IQCM: variants seen among roughly 807,000 people sequenced by gnomAD.
IQCM encodes the protein IQ motif containing M, also known as IQ domain-containing protein M.
A neutral mutation model predicts 57.6 loss-of-function variants in IQCM; 45 were observed. That is an observed-to-expected ratio of 0.78 (90% confidence interval 0.62 to 1.00). The LOEUF (loss-of-function observed/expected upper bound fraction) is 1.00. Ranked by LOEUF, IQCM falls within the 50% of genes least tolerant of loss-of-function variation. IQCM has a pLI of 0.00. For synonymous variants in IQCM, 148 were observed against 158.9 expected (o/e 0.93, Z 0.51); for missense variants, 468 against 511.6 (o/e 0.91, Z 0.82).
intron 7 of IQCM, among the ~76,000 whole-genome samples, chr4:149,659,110 T>C (rs1323567179): frequency 6.6e-6 from 1 of 152,068 alleles, no homozygotes; most frequent in African/African-American, 2.4e-5. Context: ...AGTCTATCAA[T>C]TTTGTTGACG....
intron 2 of IQCM, among the ~76,000 whole-genome samples, chr4:149,773,044 G>C (rs1770734210): frequency 6.6e-6 from 1 of 152,164 alleles, no homozygotes; most frequent in African/African-American, 2.4e-5. Flanking sequence ...CTAATGGTCA[G>C]AGCTAACCAC....
At chr4:149,662,847 A>T (rs2150157828) in intron 7 of IQCM, among the ~76,000 whole-genome samples, 1 of 151,986 alleles carries the variant, frequency 6.6e-6, no homozygotes, top group African/African-American at 2.4e-5. Flanking sequence ...TCTTGTTTTT[A>T]TGTCCATTCA....
chr4:149,760,902 A>G (rs1449054260), intron 2 of IQCM, among the ~76,000 whole-genome samples: 1 of 152,090 alleles, frequency 6.6e-6, no homozygotes, highest in Non-Finnish European at 1.5e-5. Flanking sequence ...CAGGACTCCC[A>G]TATTATGCCC....
chr4:149,412,649 A>G (rs2111180897), intron 13 of IQCM, among the ~76,000 whole-genome samples: 1 of 152,306 alleles, frequency 6.6e-6, no homozygotes, highest in Middle Eastern at 3.4e-3. Context: ...TCAGTATAGG[A>G]CTCAAAAGAC....
chr4:149,412,564 C>G (rs527706755), intron 13 of IQCM, among the ~76,000 whole-genome samples: 1 of 152,206 alleles, frequency 6.6e-6, no homozygotes, highest in South Asian at 2.1e-4. Flanking sequence ...TTACTGAGCA[C>G]TTGTGATGTA....
At chr4:149,800,645 T>C (rs552099977) in intron 2 of IQCM, among the ~76,000 whole-genome samples, 2 of 151,998 alleles carry the variant, frequency 1.3e-5, no homozygotes, top group Admixed American at 6.6e-5. Flanking sequence ...TTTCAGTAAA[T>C]TTGCAGCATA....
chr4:149,721,267 C>A (rs1466404715), intron 5 of IQCM, among the ~76,000 whole-genome samples: 5 of 151,954 alleles, frequency 3.3e-5, no homozygotes, highest in Non-Finnish European at 1.5e-5. Flanking sequence ...TGCAAATACG[C>A]CATTTTCATT....
chr4:149,494,326 A>G (rs753796636), intron 12 of IQCM, among the ~76,000 whole-genome samples: 4 of 152,144 alleles, frequency 2.6e-5, no homozygotes, highest in African/African-American at 9.6e-5. Context: ...AAAAATAACC[A>G]GCAGCAACCA....
chr4:149,455,839 G>A (rs1737640499), intron 12 of IQCM, among the ~76,000 whole-genome samples: 1 of 151,542 alleles, frequency 6.6e-6, no homozygotes, highest in African/African-American at 2.4e-5. Flanking sequence ...GCCAGGTGTG[G>A]TAGCATGCAC....
At chr4:149,776,870 CTA>C (rs1029358388) in intron 2 of IQCM, among the ~76,000 whole-genome samples, 19 of 152,010 alleles carry the variant, frequency 1.2e-4, no homozygotes, top group African/African-American at 4.3e-4. Flanking sequence ...TAAAAAATCA[CTA>C]AAAATTTTTA....
chr4:149,523,387 G>GA lies in IQCM; in HGVS notation c.1228+25067dup, dbSNP rs1312953660. Among the ~76,000 whole-genome samples, 3 of 151,896 alleles carry GA rather than the reference G, an allele frequency of 2.0e-5. No homozygotes were observed. The East Asian group carries it at 5.8e-4, about 29-fold the overall frequency. On this transcript the variant is annotated intron_variant, in intron 12 of 13. Transcript: ENST00000636793. ...CAACATAGGAAGTTAAAAGACAGTT[G>GA]AAAAAAATCCTCAGGTTGTCAGGAG...
chr4:149,555,471 T>C (rs559652458), intron 10 of IQCM, among the ~76,000 whole-genome samples: 4 of 152,200 alleles, frequency 2.6e-5, no homozygotes, highest in African/African-American at 7.2e-5. Flanking sequence ...ATTTGTGTGA[T>C]AGAGTAACTG....
chr4:149,643,986 G>C (rs571398863), intron 7 of IQCM, among the ~76,000 whole-genome samples: 2 of 152,170 alleles, frequency 1.3e-5, no homozygotes, highest in East Asian at 3.9e-4. Context: ...TGGTCTAAAT[G>C]GATACATGGT....
At chr4:149,520,461 C>T (rs892506074) in intron 12 of IQCM, among the ~76,000 whole-genome samples, 1 of 152,088 alleles carries the variant, frequency 6.6e-6, no homozygotes, top group Non-Finnish European at 1.5e-5. Context: ...TGAATTACAT[C>T]ATTAGCCTAC....
intron 13 of IQCM, among the ~76,000 whole-genome samples, chr4:149,362,552 C>T (rs1560774286): frequency 6.6e-6 from 1 of 152,112 alleles, no homozygotes; most frequent in Non-Finnish European, 1.5e-5. Flanking sequence ...GGGGTTTCTG[C>T]TTTTGCTTCT....
chr4:149,376,037 T>A (rs947459000), intron 13 of IQCM, among the ~76,000 whole-genome samples: 1 of 152,148 alleles, frequency 6.6e-6, no homozygotes, highest in African/African-American at 2.4e-5. Flanking sequence ...CTATTTGCTC[T>A]GTTTGGGAAT....
intron 12 of IQCM, among the ~76,000 whole-genome samples, chr4:149,490,430 G>C (rs1468266786): frequency 6.6e-6 from 1 of 151,906 alleles, no homozygotes; most frequent in Non-Finnish European, 1.5e-5. Context: ...AACTCTAATT[G>C]CATGAGTTTT....
chr4:149,794,080 CT>C (rs1772889769), intron 2 of IQCM, among the ~76,000 whole-genome samples: 1 of 152,196 alleles, frequency 6.6e-6, no homozygotes, highest in Non-Finnish European at 1.5e-5. Flanking sequence ...GAAGACAGAG[CT>C]TGTGGAGTGG....
chr4:149,472,158 T>A (rs556698721), intron 12 of IQCM, among the ~76,000 whole-genome samples: 2 of 152,202 alleles, frequency 1.3e-5, no homozygotes, highest in South Asian at 2.1e-4. Flanking sequence ...GGGTATTCAA[T>A]TAGGAAAAGA....
Sources: allele counts gnomAD v4.1 joint callset (sites outside exome capture counted in the v4.1 genomes callset), GRCh38; gene constraint gnomAD v4.1.1; transcripts MANE v1.5; gene names NCBI Gene and HGNC (gene_info 2026-07-23, HGNC 2026-07-21).